Variants in ANKRD30B observed in about 807,000 individuals in gnomAD.
The protein encoded by ANKRD30B is ankyrin repeat domain 30B.
A neutral mutation model predicts 202.2 loss-of-function variants in ANKRD30B; 144 were observed. The ratio of observed to expected loss-of-function variants is 0.71; its 90% CI spans 0.62 to 0.82. ANKRD30B has a LOEUF of 0.82. Ranked by LOEUF, ANKRD30B falls within the 40% of genes least tolerant of loss-of-function variation. The pLI, the probability that ANKRD30B is intolerant of heterozygous loss-of-function variation, is 0.00. For synonymous variants in ANKRD30B, 508 were observed against 561.3 expected, an observed-to-expected ratio of 0.91 and a Z score of 1.34; for missense variants, 1,487 against 1,669.1, an observed-to-expected ratio of 0.89 and a Z score of 1.90.
intron 34 of ANKRD30B, among the ~76,000 whole-genome samples, chr18:14,833,286 C>T (rs1260139758): frequency 6.6e-6 from 1 of 151,982 alleles, no homozygotes; most frequent in Non-Finnish European, 1.5e-5. Context: ...CTCGCTCTGT[C>T]GCCCAGGTTG....
intron 42 of ANKRD30B, among the ~76,000 whole-genome samples, chr18:14,853,002 G>A (rs1229047560): frequency 6.6e-6 from 1 of 151,990 alleles, no homozygotes; most frequent in Admixed American, 6.6e-5. Flanking sequence ...ATTATGTATT[G>A]TTAAAACCTC....
At chr18:14,922,654 CA>C in the ANKRD30B span, among the ~76,000 whole-genome samples, 495 of 104,846 alleles carry the variant, frequency 4.7e-3, 1 homozygote, top group Non-Finnish European at 5.3e-3. Context: ...GACTCCGTCT[CA>C]AAAAAAAAAA....
chr18:14,840,184 GT>G (rs1971357494), intron 36 of ANKRD30B, among the ~76,000 whole-genome samples: 2 of 152,068 alleles, frequency 1.3e-5, no homozygotes, highest in Admixed American at 1.3e-4. Context: ...TAAAAAATGT[GT>G]TTTAAAAAAG....
At position 14,809,386 on chromosome 18, in the gene ANKRD30B, G is replaced by A. The variant is rs34109233; in HGVS notation, c.2387-600G>A. Among the ~76,000 whole-genome samples the A allele has an allele frequency of 1.3e-4, 20 of 150,802 alleles. 1 individual carries two copies. Among genetic ancestry groups the A allele is most frequent in the African/African-American group, 4.9e-4 (20 of 40,686 alleles). ...TAACAGTTGCAGCAAAAGCTGGTTAGAAACAATCCATAGAAACACAATGTG... is the reference window on the plus strand; with the variant it reads ...TAACAGTTGCAGCAAAAGCTGGTTAAAAACAATCCATAGAAACACAATGTG... On this transcript the variant is annotated intron_variant, in intron 26 of 43. Coordinates refer to ENST00000690538, the MANE Select transcript of ANKRD30B (RefSeq NM_001367607.2).
intron 34 of ANKRD30B, among the ~76,000 whole-genome samples, chr18:14,835,409 TA>T (rs1487461754): frequency 6.6e-6 from 1 of 151,568 alleles, no homozygotes; most frequent in East Asian, 1.9e-4. Flanking sequence ...GAATACTTTT[TA>T]CACTTAAAAG....
chr18:14,931,926 T>A, the ANKRD30B span, among the ~76,000 whole-genome samples: 41 of 103,372 alleles, frequency 4.0e-4, no homozygotes, highest in African/African-American at 4.8e-4. Context: ...TCCCTCCTGC[T>A]CTGTCCCGGG....
the ANKRD30B span, among the ~76,000 whole-genome samples, chr18:14,907,423 ATTGTGT>A: frequency 7.9e-5 from 12 of 151,790 alleles, no homozygotes; most frequent in Admixed American, 5.9e-4. Context: ...TGGGTCTGAG[ATTGTGT>A]TTGGTGGTGC....
At chr18:14,783,036 G>T (rs1598611422) in intron 12 of ANKRD30B, among the ~76,000 whole-genome samples, 1 of 152,204 alleles carries the variant, frequency 6.6e-6, no homozygotes, top group South Asian at 2.1e-4. Context: ...TGATCTTCTG[G>T]TCCCAAAACT....
the ANKRD30B span, among the ~76,000 whole-genome samples, chr18:14,871,417 G>A: frequency 6.6e-6 from 1 of 151,254 alleles, no homozygotes; most frequent in Non-Finnish European, 1.5e-5. Context: ...CGTACTCTGT[G>A]CCAGCTGCCA....
chr18:14,912,382 T>C, the ANKRD30B span, among the ~76,000 whole-genome samples: 4 of 152,208 alleles, frequency 2.6e-5, no homozygotes, highest in African/African-American at 4.8e-5. Flanking sequence ...AATCATATAG[T>C]TTTTGTTCTT....
intron 34 of ANKRD30B, among the ~76,000 whole-genome samples, chr18:14,836,276 A>T (rs1971166719): frequency 6.6e-6 from 1 of 151,554 alleles, no homozygotes; most frequent in Admixed American, 6.6e-5. Context: ...TTTTTTTCTG[A>T]CTCTTTTCTG....
chr18:14,838,240 A>C (rs1414115896), intron 36 of ANKRD30B, among the ~76,000 whole-genome samples: 1 of 152,192 alleles, frequency 6.6e-6, no homozygotes, highest in East Asian at 1.9e-4. Flanking sequence ...TGATTTCTCC[A>C]CATTCATTTA....
At chr18:14,821,771 T>G (rs1970435753) in intron 30 of ANKRD30B, among the ~76,000 whole-genome samples, 1 of 152,230 alleles carries the variant, frequency 6.6e-6, no homozygotes, top group South Asian at 2.1e-4. Flanking sequence ...ATTAGTTTGT[T>G]GATGGGTATG....
Position 14,752,666 on chromosome 18 carries a change from A to G in ANKRD30B, c.322A>G (p.Thr108Ala). ...QLNVLDGEGR[T>A]PLMKALQCER... ...TAATGTCCTTGATGGCGAAGGGAGG[A>G]CACCTCTGATGAAGGTAAATAGTAG... Residue 108 changes from threonine to alanine, a missense_variant, in exon 2 of 44, where the codon ACA becomes GCA. By Grantham distance (58) the Thr-to-Ala change is moderately conservative. Transcript: ENST00000690538. The G allele has an allele frequency of 6.2e-7, 1 of 1,604,890 alleles. No individual in the cohort carries two copies. Among genetic ancestry groups the G allele is most frequent in the Non-Finnish European group, 8.5e-7 (1 of 1,174,312 alleles).
rs975944916 is a variant in ANKRD30B at position 14,852,301 on chromosome 18, C to T, written c.4357C>T (p.Gln1453Ter). The change falls in exon 42 of 44, where the codon CAG becomes TAG. Residue 1453 changes from glutamine to a stop codon, truncating the protein, a stop_gained. Coordinates refer to ENST00000690538, the MANE Select transcript of ANKRD30B (RefSeq NM_001367607.2). LOFTEE classifies it high-confidence loss of function. ...VNKSKVTINIQFPEMKMQRHL... is the reference protein window; with the variant it reads ...VNKSKVTINI ...CAAAAGCAAGGTAACAATTAATATT[C>T]AGTTTCCTGAGATGAAAATGCAACG... 18 of 1,543,830 alleles carry T rather than the reference C, an allele frequency of 1.2e-5. No individual in the cohort carries two copies. The African/African-American group carries it at 2.2e-4, about 19-fold the overall frequency.
At chr18:14,823,840 T>C (rs1346874004) in intron 32 of ANKRD30B, among the ~76,000 whole-genome samples, 2 of 152,074 alleles carry the variant, frequency 1.3e-5, no homozygotes, top group Non-Finnish European at 1.5e-5. Flanking sequence ...CCGGTTGTGG[T>C]GGTGGGTGCC....
At position 14,791,500 on chromosome 18, in the gene ANKRD30B, C is replaced by A. The variant is rs760811273; in HGVS notation, c.1825+9C>A. On this transcript the variant is annotated intron_variant, in intron 16 of 43. Transcript: ENST00000690538. ...AAGTGGAAAATTAGAAGGTAAGAAC[C>A]ATTTTTTAATTAAAAAGTCATTTGA... 17 of 1,593,368 alleles carry A rather than the reference C, an allele frequency of 1.1e-5. No individual in the cohort carries two copies. Among genetic ancestry groups the A allele is most frequent in the African/African-American group, 1.4e-5 (1 of 73,882 alleles).
Position 14,764,060 on chromosome 18 carries a change from A to G in ANKRD30B, c.1195A>G (p.Lys399Glu), listed in dbSNP as rs1035967077. ...GTSNMIACPT[K>E]ETSTKASTNV... is the part of the protein sequence containing the mutation. ...ATCTAATATGATTGCATGTCCTACA[A>G]AAGAAACATCTACAAAAGCAAGTAC... The change falls in exon 7 of 44, where the codon AAA (lysine) becomes GAA (glutamate). Residue 399 changes from lysine to glutamate, a missense_variant. Physicochemically the swap from Lys to Glu is moderately conservative, Grantham distance 56. Around this residue, in one of 6 missense-constraint regions of ANKRD30B, gnomAD observed 889 missense variants for 841.4 expected, o/e 1.06. Coordinates refer to ENST00000690538, the MANE Select transcript of ANKRD30B (RefSeq NM_001367607.2). The G allele has an allele frequency of 1.8e-5, 28 of 1,542,838 alleles. No homozygotes were observed. In the African/African-American group the frequency reaches 3.2e-4, roughly 18 times the overall value.
chr18:14,821,592 G>A (rs371500884), intron 30 of ANKRD30B, among the ~76,000 whole-genome samples: 3 of 152,138 alleles, frequency 2.0e-5, no homozygotes, highest in African/African-American at 7.2e-5. Flanking sequence ...CAAGTAGCTG[G>A]GGTTACAGGC....
Sources: gnomAD v4.1 joint callset for allele counts (sites outside exome capture counted in the v4.1 genomes callset) on GRCh38, gnomAD v4.1.1 for gene constraint, gnomAD v4.1.1 regional missense constraint, MANE v1.5 for transcripts, NCBI Gene and HGNC (gene_info 2026-07-23, HGNC 2026-07-21) for gene names.